ASPRV1: variants seen among roughly 807,000 people sequenced by gnomAD.
The protein encoded by ASPRV1 is retroviral-like aspartic protease 1.
In ASPRV1, 7 loss-of-function variants were observed where a neutral mutation model predicts 11.0. The observed-to-expected ratio is 0.64, with a 90% confidence interval of 0.36 to 1.20. The LOEUF (loss-of-function observed/expected upper bound fraction) is 1.20. Among genes scored for constraint, ASPRV1 ranks in the 50% most tolerant of loss-of-function variants. The pLI is 0.02. For synonymous variants in ASPRV1, 136 were observed against 138.4 expected (o/e 0.98, Z 0.12); for missense variants, 299 against 320.0 (o/e 0.93, Z 0.50).
the ASPRV1 span, among the ~76,000 whole-genome samples, chr2:69,997,049 T>C: frequency 6.6e-6 from 1 of 152,116 alleles, no homozygotes; most frequent in Non-Finnish European, 1.5e-5. Flanking sequence ...AGGCTGGGTG[T>C]GGGGCTCACG....
chr2:70,080,428 C>T, the ASPRV1 span, among the ~76,000 whole-genome samples: 2 of 152,066 alleles, frequency 1.3e-5, no homozygotes, highest in Non-Finnish European at 2.9e-5. Flanking sequence ...GGTTTCACCA[C>T]GTTGGCCAGG....
chr2:69,963,672 T>C (rs145320139), upstream of ASPRV1, among the ~76,000 whole-genome samples: 1,528 of 152,264 alleles, frequency 0.01, 21 homozygotes, highest in African/African-American at 0.035. Context: ...AAATCGGTGG[T>C]CCCTTGGGAC....
chr2:70,070,760 G>A, the ASPRV1 span: 1 of 155,410 alleles, frequency 6.4e-6, no homozygotes, highest in African/African-American at 2.6e-5. Context: ...CTCCAGCCTG[G>A]GTGACAGAGT....
upstream of ASPRV1, chr2:69,961,850 C>A: frequency 2.8e-6 from 2 of 713,324 alleles, no homozygotes; most frequent in East Asian, 5.1e-5. Flanking sequence ...GGGGACTACC[C>A]TGTACCCTCC....
the ASPRV1 span, among the ~76,000 whole-genome samples, chr2:69,979,736 C>T: frequency 6.6e-6 from 1 of 152,170 alleles, no homozygotes; most frequent in African/African-American, 2.4e-5. Context: ...ATGAAGTTTC[C>T]TCCTCCTCAG....
At chr2:70,072,897 A>G in the ASPRV1 span, among the ~76,000 whole-genome samples, 1 of 90,270 alleles carries the variant, frequency 1.1e-5, no homozygotes, top group South Asian at 5.3e-4. Flanking sequence ...ATAAAAAACT[A>G]AAAAAAAAAA....
At chr2:70,069,675 G>C in the ASPRV1 span, among the ~76,000 whole-genome samples, 1 of 152,050 alleles carries the variant, frequency 6.6e-6, no homozygotes, top group African/African-American at 2.4e-5. Context: ...CAAAGGCTTG[G>C]CAAAATTCCT....
At chr2:69,985,957 G>A in the ASPRV1 span, among the ~76,000 whole-genome samples, 2 of 152,144 alleles carry the variant, frequency 1.3e-5, no homozygotes, top group Non-Finnish European at 2.9e-5. Context: ...ACGGCTCATC[G>A]AATTTGGAGG....
chr2:70,007,808 T>C, the ASPRV1 span, among the ~76,000 whole-genome samples: 1 of 152,030 alleles, frequency 6.6e-6, no homozygotes, highest in Non-Finnish European at 1.5e-5. Context: ...TTGATATTGT[T>C]TTGAGTCTCC....
chr2:70,022,075 T>C, the ASPRV1 span, among the ~76,000 whole-genome samples: 1 of 142,694 alleles, frequency 7.0e-6, no homozygotes, highest in African/African-American at 2.6e-5. Flanking sequence ...AGTGCAGTGG[T>C]GCGATCTCGG....
At chr2:70,080,890 T>A in the ASPRV1 span, 1 of 152,258 alleles carries the variant, frequency 6.6e-6, no homozygotes, top group Admixed American at 6.5e-5. Flanking sequence ...TCCTCCACTT[T>A]GCAGTCTGCT....
At chr2:69,938,013 C>T in the ASPRV1 span, 1 of 1,349,372 alleles carries the variant, frequency 7.4e-7, no homozygotes, top group Non-Finnish European at 1.0e-6. Context: ...TCCCAAAGTG[C>T]TGGGATTACA....
chr2:70,078,070 G>A, the ASPRV1 span, among the ~76,000 whole-genome samples: 1 of 151,998 alleles, frequency 6.6e-6, no homozygotes. Flanking sequence ...AGGAGGCTGA[G>A]GCAGGAGACC....
At chr2:69,996,233 A>AC in the ASPRV1 span, among the ~76,000 whole-genome samples, 3 of 150,834 alleles carry the variant, frequency 2.0e-5, no homozygotes, top group Non-Finnish European at 3.0e-5. Context: ...AAAAAAAAAA[A>AC]AAAAAACAAT....
the ASPRV1 span, among the ~76,000 whole-genome samples, chr2:69,996,401 A>C: frequency 6.6e-6 from 1 of 151,956 alleles, no homozygotes; most frequent in Non-Finnish European, 1.5e-5. Flanking sequence ...CAAAAAAAAA[A>C]TTCAATTTTA....
chr2:69,968,102 T>C, the ASPRV1 span, among the ~76,000 whole-genome samples: 1,434 of 151,416 alleles, frequency 9.5e-3, 27 homozygotes, highest in African/African-American at 0.033. Flanking sequence ...AAAATAAAAA[T>C]AATTTCCAAA....
the ASPRV1 span, among the ~76,000 whole-genome samples, chr2:70,027,078 C>T: frequency 1.7e-4 from 26 of 151,782 alleles, no homozygotes; most frequent in African/African-American, 4.1e-4. Context: ...AGTGAGATCC[C>T]GCCTCTACAA....
the ASPRV1 span, among the ~76,000 whole-genome samples, chr2:70,084,709 CAT>C: frequency 2.0e-5 from 3 of 152,078 alleles, no homozygotes; most frequent in African/African-American, 2.4e-5. Context: ...AATTTTGTTA[CAT>C]ATGTGTGCAT....
At chr2:69,967,439 C>G in the ASPRV1 span, among the ~76,000 whole-genome samples, 1 of 152,152 alleles carries the variant, frequency 6.6e-6, no homozygotes, top group Admixed American at 6.5e-5. Context: ...CAAGGGCATC[C>G]ACAGACCAAA....
Sources: gnomAD v4.1 joint callset for allele counts (sites outside exome capture counted in the v4.1 genomes callset) on GRCh38, gnomAD v4.1.1 for gene constraint, MANE v1.5 for transcripts, NCBI Gene and HGNC (gene_info 2026-07-23, HGNC 2026-07-21) for gene names.